TMEM217: variants seen among roughly 807,000 people sequenced by gnomAD.
TMEM217 encodes the protein chromosome 6 open reading frame 128.
For missense variants in TMEM217, 204 were observed against 248.8 expected, an observed-to-expected ratio of 0.82 and a Z score of 1.21; for synonymous variants, 76 against 88.3, an observed-to-expected ratio of 0.86 and a Z score of 0.78.
At chr6:37,231,799 A>C (rs74498453) in intron 1 of TMEM217, among the ~76,000 whole-genome samples, 1,609 of 145,412 alleles carry the variant, frequency 0.011, 25 homozygotes, top group African/African-American at 0.038. Flanking sequence ...TAAATGTACA[A>C]TTTTTTTTTT....
chr6:37,231,866 C>A (rs571978224), intron 1 of TMEM217, among the ~76,000 whole-genome samples: 1 of 150,290 alleles, frequency 6.7e-6, no homozygotes, highest in Admixed American at 6.7e-5. Flanking sequence ...GACCATTATT[C>A]TTCCTCAGAC....
chr6:37,224,050 C>A (rs2113830439), intron 1 of TMEM217, among the ~76,000 whole-genome samples: 1 of 151,832 alleles, frequency 6.6e-6, no homozygotes, highest in African/African-American at 2.4e-5. Flanking sequence ...GATTCTCCTG[C>A]CTCAGCCTCC....
chr6:37,246,404 GA>G (rs1435680727), intron 1 of TMEM217, among the ~76,000 whole-genome samples: 2 of 152,150 alleles, frequency 1.3e-5, no homozygotes, highest in Non-Finnish European at 2.9e-5. Flanking sequence ...CATGGGAGTG[GA>G]AACATATGAT....
At chr6:37,250,802 A>G (rs1562026298) in intron 1 of TMEM217, among the ~76,000 whole-genome samples, 1 of 152,138 alleles carries the variant, frequency 6.6e-6, no homozygotes, top group Non-Finnish European at 1.5e-5. Context: ...GATCTTTTCT[A>G]TTTCTGTCTA....
At chr6:37,253,005 T>C (rs1046097932) in intron 1 of TMEM217, among the ~76,000 whole-genome samples, 1 of 152,154 alleles carries the variant, frequency 6.6e-6, no homozygotes, top group Non-Finnish European at 1.5e-5. Context: ...TACCAAGATG[T>C]ATATAATTCT....
chr6:37,213,124 GAAGTTA>G, downstream of TMEM217: 1 of 665,826 alleles, frequency 1.5e-6, no homozygotes, highest in Non-Finnish European at 2.6e-6. Flanking sequence ...CAATAGGCTG[GAAGTTA>G]AGGGACATGG....
intron 1 of TMEM217, among the ~76,000 whole-genome samples, chr6:37,255,852 C>T (rs137862497): frequency 3.0e-4 from 46 of 152,134 alleles, no homozygotes; most frequent in African/African-American, 1.1e-3. Flanking sequence ...ATCTCAATTT[C>T]CCTATTTAAA....
At chr6:37,223,787 C>T (rs756405255) in intron 1 of TMEM217, among the ~76,000 whole-genome samples, 2 of 152,040 alleles carry the variant, frequency 1.3e-5, no homozygotes, top group East Asian at 1.9e-4. Flanking sequence ...GGATTACAGG[C>T]GTGAGCCACT....
chr6:37,238,390 C>T (rs1197963483), intron 1 of TMEM217, among the ~76,000 whole-genome samples: 1 of 152,170 alleles, frequency 6.6e-6, no homozygotes, highest in Non-Finnish European at 1.5e-5. Context: ...TGTGTTGTAG[C>T]AGACACCGTT....
rs193274901 is a variant in TMEM217 at position 37,243,001 on chromosome 6, G to A, written c.-12+14567C>T. Among the ~76,000 whole-genome samples the A allele has an allele frequency of 7.9e-5, 12 of 152,310 alleles. No individual in the cohort carries two copies. The East Asian group carries it at 2.3e-3, about 29-fold the overall frequency. On this transcript the variant is annotated intron_variant, in intron 1 of 1. Coordinates refer to ENST00000357219, the Ensembl canonical transcript of TMEM217. ...ACATGGCACATGTAGCTGCAGGAGAGGCTGGGAAAGCAAGTTTCTGGCAAA... is the reference window on the plus strand; with the variant it reads ...ACATGGCACATGTAGCTGCAGGAGAAGCTGGGAAAGCAAGTTTCTGGCAAA...
chr6:37,237,804 C>CTA (rs1006609494), intron 1 of TMEM217, among the ~76,000 whole-genome samples: 18 of 152,100 alleles, frequency 1.2e-4, no homozygotes, highest in Admixed American at 9.8e-4. Flanking sequence ...CCATCTTTCT[C>CTA]TATATATATA....
At chr6:37,217,305 A>T (rs1763259290), downstream of TMEM217, among the ~76,000 whole-genome samples, 1 of 152,246 alleles carries the variant, frequency 6.6e-6, no homozygotes, top group Non-Finnish European at 1.5e-5. Context: ...AAAATAAAAA[A>T]TGTGCTTCAT....
chr6:37,252,635 A>ATTTTTTTT (rs1489045294), intron 1 of TMEM217, among the ~76,000 whole-genome samples: 2 of 60,382 alleles, frequency 3.3e-5, no homozygotes, highest in African/African-American at 5.9e-5. Flanking sequence ...ATATATATAT[A>ATTTTTTTT]TATTTTTTTT....
chr6:37,246,957 G>A (rs977081252), intron 1 of TMEM217, among the ~76,000 whole-genome samples: 4 of 151,752 alleles, frequency 2.6e-5, no homozygotes, highest in Admixed American at 6.6e-5. Flanking sequence ...GCCGGGTCCC[G>A]CAGTACCTAT....
At chr6:37,250,807 T>C (rs1765359108) in intron 1 of TMEM217, among the ~76,000 whole-genome samples, 1 of 152,286 alleles carries the variant, frequency 6.6e-6, no homozygotes. Context: ...TTTCTATTTC[T>C]GTCTATTCTA....
chr6:37,215,997 GT>G (rs1763182179), downstream of TMEM217, among the ~76,000 whole-genome samples: 4 of 15,280 alleles, frequency 2.6e-4, no homozygotes, highest in Non-Finnish European at 3.7e-4. Context: ...TCTTCAGGGT[GT>G]GTGTGTGTGT....
intron 1 of TMEM217, among the ~76,000 whole-genome samples, chr6:37,239,997 G>A (rs912852830): frequency 6.6e-6 from 1 of 152,036 alleles, no homozygotes; most frequent in African/African-American, 2.4e-5. Flanking sequence ...CAGGAAATCT[G>A]GCAGTGGCAG....
chr6:37,248,699 C>T (rs1305016456), intron 1 of TMEM217, among the ~76,000 whole-genome samples: 1 of 152,170 alleles, frequency 6.6e-6, no homozygotes, highest in East Asian at 1.9e-4. Flanking sequence ...GGATGGCGAA[C>T]AAGGAACTGG....
chr6:37,241,241 C>G (rs1264962853), intron 1 of TMEM217, among the ~76,000 whole-genome samples: 1 of 151,690 alleles, frequency 6.6e-6, no homozygotes. Context: ...GACACCATAC[C>G]TGGTTAATTT....
Sources: gnomAD v4.1 joint callset for allele counts (sites outside exome capture counted in the v4.1 genomes callset) on GRCh38, gnomAD v4.1.1 for gene constraint, MANE v1.5 for transcripts, NCBI Gene and HGNC (gene_info 2026-07-23, HGNC 2026-07-21) for gene names.